CDC73: variants seen among roughly 807,000 people sequenced by gnomAD.
CDC73 encodes parafibromin.
In CDC73, 21 loss-of-function variants were observed where a neutral mutation model predicts 83.7. The observed-to-expected ratio is 0.25, with a 90% confidence interval of 0.18 to 0.36. The LOEUF (loss-of-function observed/expected upper bound fraction) is 0.36. CDC73 is among the 10% of genes least tolerant of loss of function. The pLI, the probability that CDC73 is intolerant of heterozygous loss-of-function variation, is 1.00. For synonymous variants in CDC73, 224 were observed against 212.9 expected, an observed-to-expected ratio of 1.05 and a Z score of -0.45; for missense variants, 342 against 653.3, an observed-to-expected ratio of 0.52 and a Z score of 5.19.
At chr1:193,212,230 A>C (rs1677291866) in intron 12 of CDC73, 130 bp downstream of exon 12, 3 of 852,522 alleles carry the variant, frequency 3.5e-6, no homozygotes, top group Non-Finnish European at 5.6e-6. Flanking sequence ...ATTAGTGCCC[A>C]AGCCACACTG....
intron 11 of CDC73, among the ~76,000 whole-genome samples, chr1:193,209,434 A>G (rs1259607401): frequency 6.6e-6 from 1 of 152,204 alleles, no homozygotes; most frequent in African/African-American, 2.4e-5. Context: ...TTTACGATTG[A>G]GGAAACTGAG....
chr1:193,245,713 A>G (rs990232156), intron 15 of CDC73, among the ~76,000 whole-genome samples: 3 of 152,064 alleles, frequency 2.0e-5, no homozygotes, highest in Admixed American at 6.6e-5. Context: ...ACTCTAGACT[A>G]TTCTCCATAG....
rs1012864010 is a variant in CDC73, at chr1:193,150,154, C to T, written c.829-150C>T. ...AGTGTGGTGGTGCATGCCTGTGGTC[C>T]CAGCTACTTGGAAGGCTGAGGTGGG... On this transcript the variant is annotated intron_variant, in intron 8 of 16. Transcript: ENST00000367435. 26 of 650,202 alleles carry T rather than the reference C, an allele frequency of 4.0e-5. No homozygotes were observed. In the African/African-American group the frequency reaches 4.7e-4, roughly 12 times the overall value. The allele number at this position is 650,202 out of a possible 1,614,324, so 40.3% of individuals were successfully genotyped here. A position where few individuals can be genotyped will look rare whatever the true frequency, so the allele number is the denominator to read the frequency against.
intron 10 of CDC73, among the ~76,000 whole-genome samples, chr1:193,197,673 C>T (rs1164165439): frequency 1.3e-5 from 2 of 151,954 alleles, no homozygotes; most frequent in East Asian, 3.9e-4. Context: ...TGCCTGTAAT[C>T]CCAGCACTTT....
At chr1:193,166,619 CAA>C (rs774179322) in intron 10 of CDC73, among the ~76,000 whole-genome samples, 41 of 151,550 alleles carry the variant, frequency 2.7e-4, no homozygotes, top group Non-Finnish European at 4.0e-4. Flanking sequence ...GCTTATGTAA[CAA>C]GAGATAAATC....
rs866965180 is a variant in CDC73, at chr1:193,253,510, T to C, written c.*2798T>C. ...CATTGACAAATGCAATTTTTAATTATTTATTTAATATAGGAGTATTTTACT... is the reference window on the plus strand; with the variant it reads ...CATTGACAAATGCAATTTTTAATTACTTATTTAATATAGGAGTATTTTACT... On this transcript the variant is annotated 3_prime_UTR_variant, in exon 17 of 17. Transcript: ENST00000367435. 2.0e-4 allele frequency: 46 copies of C among 232,250 alleles called. No individual in the cohort carries two copies. The highest frequency in any genetic ancestry group is 9.5e-4 in the African/African-American group (43 of 45,294). 14.4% of individuals were successfully genotyped at this position (232,250 alleles called of 1,614,324 possible). A position where few individuals can be genotyped will look rare whatever the true frequency, so the allele number is the denominator to read the frequency against.
chr1:193,171,210 C>T (rs927056042), intron 10 of CDC73, among the ~76,000 whole-genome samples: 4 of 152,202 alleles, frequency 2.6e-5, no homozygotes, highest in Admixed American at 2.0e-4. Flanking sequence ...CAGTACCTGG[C>T]AGAGTTCTTG....
intron 13 of CDC73, among the ~76,000 whole-genome samples, chr1:193,231,510 A>G (rs555965445): frequency 6.6e-6 from 1 of 152,268 alleles, no homozygotes; most frequent in East Asian, 1.9e-4. Flanking sequence ...ACACATATTA[A>G]ATTTTCTAAA....
intron 1 of CDC73, 102 bp from the exon 2 acceptor site, chr1:193,125,010 T>TTACC (rs1675539000): frequency 3.5e-5 from 26 of 734,900 alleles, no homozygotes; most frequent in South Asian, 3.4e-4. Flanking sequence ...GTTAGCTATG[T>TTACC]TAAACTCATT....
At chr1:193,231,956 T>C (rs190859947) in intron 13 of CDC73, among the ~76,000 whole-genome samples, 2 of 152,284 alleles carry the variant, frequency 1.3e-5, no homozygotes, top group African/African-American at 4.8e-5. Context: ...AAATATGTTA[T>C]TGGACTGTTA....
At chr1:193,163,967 G>A (rs570525456) in intron 10 of CDC73, among the ~76,000 whole-genome samples, 27 of 152,152 alleles carry the variant, frequency 1.8e-4, no homozygotes, top group African/African-American at 6.5e-4. Context: ...TTTAGTAGAT[G>A]GGGTTTCGCC....
chr1:193,163,500 C>T (rs1676378388), intron 10 of CDC73, among the ~76,000 whole-genome samples: 1 of 151,846 alleles, frequency 6.6e-6, no homozygotes, highest in South Asian at 2.1e-4. Flanking sequence ...GAATGAGACC[C>T]TGCCCGCCCC....
intron 11 of CDC73, among the ~76,000 whole-genome samples, chr1:193,211,704 C>T (rs1391284739): frequency 6.6e-6 from 1 of 152,094 alleles, no homozygotes; most frequent in Non-Finnish European, 1.5e-5. Flanking sequence ...CTGGGTGGGG[C>T]AGTGTGAGAT....
chr1:193,139,659 G>T (rs538500948), intron 6 of CDC73, among the ~76,000 whole-genome samples: 1 of 152,104 alleles, frequency 6.6e-6, no homozygotes, highest in Admixed American at 6.5e-5. Context: ...TTACCTTGTT[G>T]AGGGCTAGAT....
chr1:193,162,480 C>G (rs1293675128), intron 10 of CDC73, among the ~76,000 whole-genome samples: 1 of 150,642 alleles, frequency 6.6e-6, no homozygotes, highest in Non-Finnish European at 1.5e-5. Flanking sequence ...TCAAGCAATC[C>G]TCCTGCCTCA....
chr1:193,247,080 G>C (rs1464938223), intron 15 of CDC73, among the ~76,000 whole-genome samples: 1 of 152,092 alleles, frequency 6.6e-6, no homozygotes, highest in Non-Finnish European at 1.5e-5. Flanking sequence ...AGCTTGTTTT[G>C]TGCTTTGCTT....
intron 13 of CDC73, among the ~76,000 whole-genome samples, chr1:193,215,692 C>T (rs1174611995): frequency 1.3e-5 from 2 of 151,458 alleles, no homozygotes; most frequent in Non-Finnish European, 2.9e-5. Flanking sequence ...TGGGCTCAAG[C>T]AATCCTCTTG....
intron 15 of CDC73, among the ~76,000 whole-genome samples, chr1:193,242,658 G>A (rs1282472432): frequency 6.6e-6 from 1 of 152,088 alleles, no homozygotes; most frequent in Non-Finnish European, 1.5e-5. Context: ...TATTTTTAAT[G>A]ATAAATGTCT....
intron 10 of CDC73, chr1:193,180,534 A>G (rs781494770): frequency 1.9e-6 from 3 of 1,614,132 alleles, no homozygotes; most frequent in South Asian, 1.1e-5. Context: ...AGATCCCTAC[A>G]TATACATCTT....
Sources: gnomAD v4.1 joint callset for allele counts (sites outside exome capture counted in the v4.1 genomes callset) on GRCh38, gnomAD v4.1.1 for gene constraint, MANE v1.5 for transcripts, NCBI Gene and HGNC (gene_info 2026-07-23, HGNC 2026-07-21) for gene names.